The following ZSWIM4 variants were observed in gnomAD, a reference collection of about 807,000 sequenced individuals.
The protein encoded by ZSWIM4 is zinc finger SWIM domain-containing protein 4.
In ZSWIM4, 62 loss-of-function variants were observed where a neutral mutation model predicts 102.5. That is an observed-to-expected ratio of 0.60 (90% CI 0.49 to 0.75). The LOEUF (loss-of-function observed/expected upper bound fraction) is 0.75. ZSWIM4 is among the 30% of genes least tolerant of loss of function. ZSWIM4 has a pLI of 0.00. For missense variants in ZSWIM4, 1,280 were observed against 1,529.6 expected (o/e 0.84, Z 2.72); for synonymous variants, 652 against 674.5 (o/e 0.97, Z 0.52).
At chr19:13,814,427 C>A in intron 6 of ZSWIM4, 88 bp from the exon 7 acceptor site, 1 of 709,288 alleles carries the variant, frequency 1.4e-6, no homozygotes, top group African/African-American at 1.9e-5. Context: ...GCCTAAACCC[C>A]AGTTAGTACT....
chr19:13,798,087 TACATA>T (rs1974659195), intron 1 of ZSWIM4, among the ~76,000 whole-genome samples: 2 of 152,262 alleles, frequency 1.3e-5, no homozygotes, highest in Non-Finnish European at 2.9e-5. Context: ...GGAAATTACA[TACATA>T]AAGTGTTCAG....
chr19:13,797,281 C>T (rs928738029), intron 1 of ZSWIM4, among the ~76,000 whole-genome samples: 1 of 152,208 alleles, frequency 6.6e-6, no homozygotes, highest in Non-Finnish European at 1.5e-5. Flanking sequence ...GATTGGAAGG[C>T]AGGCTCAGCC....
chr19:13,831,816 A>T lies in ZSWIM4; in HGVS notation c.*766A>T, dbSNP rs1021880953. 2 of 151,762 alleles carry T rather than the reference A, an allele frequency of 1.3e-5. No homozygotes were observed. Among genetic ancestry groups the T allele is most frequent in the African/African-American group, 4.9e-5 (2 of 41,214 alleles). The allele number at this position is 151,762 out of a possible 1,614,324, so 9.4% of individuals were successfully genotyped here. ...CACCCCCGATCTGGAAAGGAAAGAGACCTGTATCTTGGTGTTTTTCTGGCT... is the reference window on the plus strand; with the variant it reads ...CACCCCCGATCTGGAAAGGAAAGAGTCCTGTATCTTGGTGTTTTTCTGGCT... On this transcript the variant is annotated 3_prime_UTR_variant, in exon 14 of 14. Coordinates refer to ENST00000590508, the MANE Select transcript of ZSWIM4 (RefSeq NM_001367834.3).
At chr19:13,801,606 G>T in intron 2 of ZSWIM4, among the ~76,000 whole-genome samples, 1 of 152,022 alleles carries the variant, frequency 6.6e-6, no homozygotes, top group African/African-American at 2.4e-5. Flanking sequence ...AGCTATTGTT[G>T]AGCAATGGTC....
chr19:13,830,906 C>T lies in ZSWIM4; in HGVS notation c.3177C>T (p.Phe1059=). The change falls in exon 14 of 14, where the codon TTC becomes TTT. Residue 1059 remains phenylalanine (F), a synonymous_variant. Coordinates refer to ENST00000590508, the MANE Select transcript of ZSWIM4 (RefSeq NM_001367834.3). ...TCAGCCCGCGGCACTATGGGGATTT[C>T]ATCGAATTCCTGGGCAAGGCCCGGG... ...THISPRHYGD[F]IEFLGKARET... is the part of the protein sequence containing the mutation. The T allele has an allele frequency of 6.2e-7, 1 of 1,614,240 alleles. No homozygotes were observed. Among genetic ancestry groups the T allele is most frequent in the South Asian group, 1.1e-5 (1 of 91,092 alleles).
chr19:13,814,780 G>C lies in ZSWIM4; in HGVS notation c.1446G>C (p.Gln482His). ...TGCGTGCCCACGGATACCCCCGCCA[G>C]GCCCTGCGGCTGGCAAGTGCCATCA... ...DTLRAHGYPRQALRLASAIIN... is the reference protein window; with the variant it reads ...DTLRAHGYPRHALRLASAIIN... Residue 482 changes from glutamine (Q) to histidine (H), a missense_variant, in exon 7 of 14, where the codon CAG (glutamine) becomes CAC (histidine). Transcript: ENST00000590508. 2 of 1,285,870 alleles carry C rather than the reference G, an allele frequency of 1.6e-6. No individual in the cohort carries two copies. The highest frequency in any genetic ancestry group is 2.0e-6 in the Non-Finnish European group (2 of 985,858). The allele number at this position is 1,285,870 out of a possible 1,614,324, so 79.7% of individuals were successfully genotyped here.
chr19:13,820,415 T>C (rs144315298), intron 10 of ZSWIM4, among the ~76,000 whole-genome samples: 2,403 of 152,264 alleles, frequency 0.016, 66 homozygotes, highest in African/African-American at 0.055. Context: ...TTTGTATTTT[T>C]TGTAGAGACG....
intron 10 of ZSWIM4, among the ~76,000 whole-genome samples, chr19:13,822,852 G>A (rs140372646): frequency 0.01 from 1,544 of 152,154 alleles, 21 homozygotes; most frequent in African/African-American, 0.035. Context: ...GGTAGTACAC[G>A]CCTGTAATCC....
At chr19:13,810,245 C>T (rs955500504) in intron 5 of ZSWIM4, among the ~76,000 whole-genome samples, 2 of 152,090 alleles carry the variant, frequency 1.3e-5, no homozygotes, top group African/African-American at 2.4e-5. Context: ...GATCTACCCG[C>T]CTCAGCCTCC....
chr19:13,819,532 G>C (rs761230761), intron 10 of ZSWIM4, 40 bp downstream of exon 10: 4 of 1,552,170 alleles, frequency 2.6e-6, no homozygotes, highest in South Asian at 2.4e-5. Flanking sequence ...GGGGAGCTGG[G>C]GGGAAGAGGG....
intron 10 of ZSWIM4, among the ~76,000 whole-genome samples, chr19:13,820,909 CAAA>C (rs34029534): frequency 2.0e-5 from 2 of 102,520 alleles, no homozygotes; most frequent in Non-Finnish European, 2.2e-5. Context: ...ACGCAATTTC[CAAA>C]AAAAAAAAAA....
rs749012173 is a variant in ZSWIM4, at chr19:13,830,730, CG to C, written c.3002del (p.Arg1001ProfsTer13). Reference protein sequence around the residue: ...HCAPMLSDILRRWTLSAPGLG... With the variant: ...HCAPMLSDILXRWTLSAPGLG... ...TGCCCCAATGCTGTCCGATATTCTG[CG>C]CCGCTGGACTCTCTCGGCGCCCGGT... On this transcript the variant is annotated frameshift_variant, in exon 14 of 14. Coordinates refer to ENST00000590508, the MANE Select transcript of ZSWIM4 (RefSeq NM_001367834.3). LOFTEE classifies it high-confidence loss of function. 1.2e-6 allele frequency: 2 copies of C among 1,607,898 alleles called. No homozygotes were observed. Among genetic ancestry groups the C allele is most frequent in the Non-Finnish European group, 1.7e-6 (2 of 1,177,822 alleles).
At chr19:13,828,308 C>T (rs188427819) in intron 12 of ZSWIM4, among the ~76,000 whole-genome samples, 46 of 152,044 alleles carry the variant, frequency 3.0e-4, no homozygotes, top group African/African-American at 1.0e-3. Flanking sequence ...ACTTGGGAGC[C>T]TGAGGCAGGA....
At chr19:13,828,391 G>C (rs1288145460) in intron 12 of ZSWIM4, among the ~76,000 whole-genome samples, 1 of 151,932 alleles carries the variant, frequency 6.6e-6, no homozygotes, top group African/African-American at 2.4e-5. Flanking sequence ...CTGGGTGACA[G>C]AGCAAGATTC....
chr19:13,829,008 G>A (rs1975685370), intron 13 of ZSWIM4, among the ~76,000 whole-genome samples: 1 of 152,044 alleles, frequency 6.6e-6, no homozygotes, highest in African/African-American at 2.4e-5. Context: ...GCTGAAGCAG[G>A]AGGATAGATT....
chr19:13,804,399 G>T (rs62124251), intron 2 of ZSWIM4, among the ~76,000 whole-genome samples: 71,993 of 151,190 alleles, frequency 0.48, 20,455 homozygotes, highest in African/African-American at 0.81. Flanking sequence ...GAACCTGGGA[G>T]GTGGAGGTTG....
intron 2 of ZSWIM4, among the ~76,000 whole-genome samples, chr19:13,802,513 G>A (rs1974801155): frequency 6.6e-6 from 1 of 151,634 alleles, no homozygotes; most frequent in African/African-American, 2.4e-5. Flanking sequence ...CCGGGAGGCA[G>A]AGGTTGCAGT....
chr19:13,809,356 T>G lies in ZSWIM4; in HGVS notation c.1012+136T>G. 2.4e-6 allele frequency: 3 copies of G among 1,249,984 alleles called. No homozygotes were observed. The highest frequency in any genetic ancestry group is 3.2e-6 in the Non-Finnish European group (3 of 929,322). 77.4% of individuals were successfully genotyped at this position (1,249,984 alleles called of 1,614,324 possible). A position where few individuals can be genotyped will look rare whatever the true frequency, so the allele number is the denominator to read the frequency against. On this transcript the variant is annotated intron_variant, in intron 5 of 13. Transcript: ENST00000590508. The surrounding 1 kb of genome is among the most constrained non-coding windows in gnomAD (Gnocchi z 4.2). ...CAAACATTTATGAGCGCCTCTAAAGTGCCAGGCATGGTACTGGGCACTGGT... is the reference window on the plus strand; with the variant it reads ...CAAACATTTATGAGCGCCTCTAAAGGGCCAGGCATGGTACTGGGCACTGGT...
In ZSWIM4 at chr19:13,825,975, G is replaced by T. The variant is rs1053050449; in HGVS notation, c.2379+262G>T. The stretch of plus-strand genomic sequence containing the variant: ...TGGCATGAGTGAGCCACTCCCCTGG[G>T]AATGGGGACTGGATGAATCGTGTCT... On this transcript the variant is annotated intron_variant, in intron 12 of 13. Transcript: ENST00000590508. The surrounding 1 kb of genome is among the most constrained non-coding windows in gnomAD (Gnocchi z 4.6). 6.6e-6 allele frequency among the ~76,000 whole-genome samples: 1 copy of T among 152,104 alleles called. No homozygotes were observed.
Sources: gnomAD v4.1 joint callset for allele counts (sites outside exome capture counted in the v4.1 genomes callset) on GRCh38, gnomAD v4.1.1 for gene constraint, Gnocchi (gnomAD v3.1) non-coding constraint, MANE v1.5 for transcripts, NCBI Gene and HGNC (gene_info 2026-07-23, HGNC 2026-07-21) for gene names.